Variants in SCFD2 observed in about 807,000 individuals in gnomAD.
The protein encoded by SCFD2 is sec1 family domain-containing protein 2.
In SCFD2, 54 loss-of-function variants were observed where a neutral mutation model predicts 58.9. The observed-to-expected ratio is 0.92, with a 90% CI of 0.74 to 1.15. The LOEUF (loss-of-function observed/expected upper bound fraction) is 1.15. SCFD2 is among the 50% of genes most tolerant of loss of function. The pLI is 0.00. For synonymous variants in SCFD2, 321 were observed against 335.9 expected (o/e 0.96, Z 0.49); for missense variants, 805 against 836.6 (o/e 0.96, Z 0.47).
At chr4:53,250,309 T>A (rs1210544091) in intron 4 of SCFD2, among the ~76,000 whole-genome samples, 1 of 152,074 alleles carries the variant, frequency 6.6e-6, no homozygotes, top group Non-Finnish European at 1.5e-5. Context: ...AGCAAGTCCT[T>A]AGAGACCTAC....
rs374354283 is a variant in SCFD2, at chr4:52,884,192, A to G, written c.1962+1555T>C. Among the ~76,000 whole-genome samples, 76 of 152,362 alleles carry G rather than the reference A, an allele frequency of 5.0e-4. 1 individual carries two copies. Among genetic ancestry groups the G allele is most frequent in the African/African-American group, 1.7e-3 (72 of 41,590 alleles). ...AGCAAATATGAAGTAGTCAGGGAGA[A>G]GTCCAGAGCTGCATTGCCCAGTATA... On this transcript the variant is annotated intron_variant, in intron 8 of 8. Transcript: ENST00000401642.
chr4:52,981,922 G>T (rs1295828628), intron 5 of SCFD2, among the ~76,000 whole-genome samples: 1 of 152,194 alleles, frequency 6.6e-6, no homozygotes, highest in African/African-American at 2.4e-5. Flanking sequence ...GTGCAGACAT[G>T]TGATGATGGG....
chr4:53,141,472 G>A (rs1377117843), intron 5 of SCFD2, among the ~76,000 whole-genome samples: 4 of 151,950 alleles, frequency 2.6e-5, no homozygotes. Context: ...AACACACAAC[G>A]AGTCACTACC....
At chr4:53,332,491 A>G (rs1245060951) in intron 2 of SCFD2, among the ~76,000 whole-genome samples, 1 of 152,218 alleles carries the variant, frequency 6.6e-6, no homozygotes, top group Non-Finnish European at 1.5e-5. Flanking sequence ...AACCAAAGAA[A>G]AAAACCACAT....
intron 6 of SCFD2, among the ~76,000 whole-genome samples, chr4:52,916,396 C>G (rs1719607407): frequency 6.6e-6 from 1 of 152,186 alleles, no homozygotes; most frequent in East Asian, 1.9e-4. Context: ...ATGGCGAAAC[C>G]CTGTCTCTAC....
chr4:53,041,459 C>T (rs1331847233), intron 5 of SCFD2, among the ~76,000 whole-genome samples: 1 of 152,152 alleles, frequency 6.6e-6, no homozygotes. Flanking sequence ...TTACATTTAC[C>T]TGTTTACCAT....
intron 6 of SCFD2, among the ~76,000 whole-genome samples, chr4:52,913,797 G>A (rs1267713769): frequency 6.6e-6 from 1 of 152,210 alleles, no homozygotes; most frequent in African/African-American, 2.4e-5. Flanking sequence ...GAATGAGAGA[G>A]AGAGTATGAA....
intron 4 of SCFD2, among the ~76,000 whole-genome samples, chr4:53,207,961 T>G (rs1020868862): frequency 2.9e-5 from 3 of 102,784 alleles, no homozygotes; most frequent in African/African-American, 8.3e-5. Flanking sequence ...TTTCTTTTCT[T>G]TTTTTTTTTC....
intron 4 of SCFD2, among the ~76,000 whole-genome samples, chr4:53,207,187 C>T (rs1405030526): frequency 7.3e-5 from 11 of 151,596 alleles, no homozygotes; most frequent in Non-Finnish European, 1.2e-4. Flanking sequence ...GACCCAATTA[C>T]CTCTTATTAA....
At chr4:53,163,934 A>G (rs1266039068) in intron 4 of SCFD2, among the ~76,000 whole-genome samples, 1 of 152,208 alleles carries the variant, frequency 6.6e-6, no homozygotes, top group Non-Finnish European at 1.5e-5. Flanking sequence ...GTACTAGTAT[A>G]CATTCAGAAG....
At chr4:53,134,825 G>C (rs1577761269) in intron 5 of SCFD2, among the ~76,000 whole-genome samples, 2 of 152,316 alleles carry the variant, frequency 1.3e-5, no homozygotes, top group East Asian at 3.9e-4. Flanking sequence ...GTGTCAGTCA[G>C]TTCCTCATGC....
intron 5 of SCFD2, among the ~76,000 whole-genome samples, chr4:53,043,990 C>A (rs1353021116): frequency 6.6e-6 from 1 of 152,106 alleles, no homozygotes; most frequent in East Asian, 1.9e-4. Context: ...TGTTCAAACT[C>A]TTTCAAGAAA....
Position 53,327,355 on chromosome 4 carries a change from G to A in SCFD2, c.1008-13592C>T, listed in dbSNP as rs1399753535. On this transcript the variant is annotated intron_variant, in intron 2 of 8. Transcript: ENST00000401642. Reference sequence around the variant, plus strand: ...TGGCAGAGCCAAAATGGAATGAGAAGGGTGTCTGTGTAGGGGTGGGCAGCT... The same window carrying A: ...TGGCAGAGCCAAAATGGAATGAGAAAGGTGTCTGTGTAGGGGTGGGCAGCT... 2.0e-5 allele frequency among the ~76,000 whole-genome samples: 3 copies of A among 152,166 alleles called. No homozygotes were observed. The East Asian group carries it at 5.8e-4, about 29-fold the overall frequency.
intron 4 of SCFD2, among the ~76,000 whole-genome samples, chr4:53,181,382 T>TA (rs955213512): frequency 2.6e-5 from 4 of 152,158 alleles, no homozygotes; most frequent in African/African-American, 9.7e-5. Flanking sequence ...ATCCAACATA[T>TA]AAACAGAACC....
chr4:52,935,771 C>T (rs776184520), intron 5 of SCFD2, among the ~76,000 whole-genome samples: 1 of 152,172 alleles, frequency 6.6e-6, no homozygotes, highest in East Asian at 1.9e-4. Context: ...TTTTCATAGA[C>T]CTGCCCAATG....
intron 4 of SCFD2, among the ~76,000 whole-genome samples, chr4:53,272,660 A>G (rs1731209309): frequency 6.7e-6 from 1 of 149,140 alleles, no homozygotes; most frequent in Non-Finnish European, 1.5e-5. Flanking sequence ...ATGAGAATAC[A>G]TGGACACAGG....
intron 4 of SCFD2, among the ~76,000 whole-genome samples, chr4:53,159,530 T>C (rs1726792152): frequency 6.6e-6 from 1 of 152,068 alleles, no homozygotes; most frequent in African/African-American, 2.4e-5. Context: ...TATAAGACAA[T>C]AGATAAATTA....
At chr4:53,064,210 G>A (rs143200136) in intron 5 of SCFD2, among the ~76,000 whole-genome samples, 271 of 152,112 alleles carry the variant, frequency 1.8e-3, no homozygotes, top group African/African-American at 6.2e-3. Context: ...TGGGGTACAA[G>A]TGATCCCCTC....
intron 4 of SCFD2, among the ~76,000 whole-genome samples, chr4:53,155,916 T>G (rs541320776): frequency 2.5e-4 from 38 of 152,364 alleles, no homozygotes; most frequent in African/African-American, 9.1e-4. Context: ...CCTTTTTCAC[T>G]GTATTGACAT....
Sources: allele counts gnomAD v4.1 joint callset (sites outside exome capture counted in the v4.1 genomes callset), GRCh38; gene constraint gnomAD v4.1.1; transcripts MANE v1.5; gene names NCBI Gene and HGNC (gene_info 2026-07-23, HGNC 2026-07-21).